The following EYS variants were observed in gnomAD, a reference collection of about 807,000 sequenced individuals.
The protein encoded by EYS is protein eyes shut homolog.
Under a neutral mutation model 282.1 loss-of-function variants are expected in EYS, and 250 were observed. The observed-to-expected ratio is 0.89, with a 90% CI of 0.80 to 0.98. The LOEUF (loss-of-function observed/expected upper bound fraction) is 0.98, where lower values mean the gene tolerates loss of function less well. Among genes scored for constraint, EYS ranks in the 50% least tolerant of loss-of-function variants. EYS has a pLI of 0.00. For missense variants in EYS, 4,016 were observed against 3,709.0 expected (o/e 1.08, Z -2.15); for synonymous variants, 1,355 against 1,282.9 (o/e 1.06, Z -1.20).
intron 5 of EYS, among the ~76,000 whole-genome samples, chr6:65,422,025 T>A (rs994244292): frequency 3.3e-5 from 5 of 151,898 alleles, no homozygotes; most frequent in Non-Finnish European, 7.4e-5. Context: ...CACATGGTGT[T>A]AGAAAAACTG....
intron 1 of EYS, among the ~76,000 whole-genome samples, chr6:65,683,792 A>G (rs2149839627): frequency 6.6e-6 from 1 of 152,148 alleles, no homozygotes; most frequent in Non-Finnish European, 1.5e-5. Context: ...GGTCTAGGAC[A>G]TATACTCAGC....
intron 26 of EYS, among the ~76,000 whole-genome samples, chr6:64,468,580 G>T (rs889631439): frequency 7.2e-5 from 11 of 152,130 alleles, no homozygotes; most frequent in African/African-American, 2.2e-4. Flanking sequence ...CAGGAACTTG[G>T]TGTACAGATT....
intron 2 of EYS, among the ~76,000 whole-genome samples, chr6:65,531,076 C>A (rs1407051823): frequency 6.6e-6 from 1 of 152,008 alleles, no homozygotes; most frequent in Non-Finnish European, 1.5e-5. Flanking sequence ...TTTTACGGCA[C>A]AATGGAAAGT....
In EYS at chr6:64,666,153, C is replaced by A. The variant is rs1769223076; in HGVS notation, c.3444-39908G>T. On this transcript the variant is annotated intron_variant, in intron 22 of 42. Transcript: ENST00000503581. Reference sequence around the variant, plus strand: ...TAACTATCGAGGACTGAGCTTAATACCTGGCTGATGAAATAATATGTACAG... The same window carrying A: ...TAACTATCGAGGACTGAGCTTAATAACTGGCTGATGAAATAATATGTACAG... Among the ~76,000 whole-genome samples the A allele has an allele frequency of 2.0e-5, 3 of 152,088 alleles. No individual in the cohort carries two copies. In the South Asian group the frequency reaches 6.2e-4, roughly 32 times the overall value.
At chr6:64,896,588 C>G (rs991534646) in intron 18 of EYS, among the ~76,000 whole-genome samples, 1 of 150,624 alleles carries the variant, frequency 6.6e-6, no homozygotes, top group Admixed American at 6.6e-5. Context: ...ACCTGAAACA[C>G]CAGCAAGAGA....
intron 12 of EYS, among the ~76,000 whole-genome samples, chr6:65,255,868 G>A (rs1582069156): frequency 6.6e-6 from 1 of 152,152 alleles, no homozygotes; most frequent in East Asian, 1.9e-4. Context: ...ATGAGGATGT[G>A]AGGAAAGGGT....
chr6:64,654,795 C>A lies in EYS; in HGVS notation c.3444-28550G>T, dbSNP rs1272041185. On this transcript the variant is annotated intron_variant, in intron 22 of 42. Coordinates refer to ENST00000503581, the MANE Select transcript of EYS (RefSeq NM_001142800.2). Reference sequence around the variant, plus strand: ...CTCCAAATGGCCACTTCTGTCACTGCAAATTTATATAGGGACAGCTATACA... The same window carrying A: ...CTCCAAATGGCCACTTCTGTCACTGAAAATTTATATAGGGACAGCTATACA... Among the ~76,000 whole-genome samples, 6 of 152,112 alleles carry A rather than the reference C, an allele frequency of 3.9e-5. No individual in the cohort carries two copies. In the East Asian group the frequency reaches 1.2e-3, roughly 29 times the overall value.
intron 10 of EYS, among the ~76,000 whole-genome samples, chr6:65,343,227 G>T (rs1382852302): frequency 6.6e-6 from 1 of 151,158 alleles, no homozygotes; most frequent in African/African-American, 2.4e-5. Context: ...TTTTTACAAG[G>T]TTGACTCAAT....
chr6:64,065,151 AC>A (rs940364037), intron 33 of EYS, among the ~76,000 whole-genome samples: 1 of 152,086 alleles, frequency 6.6e-6, no homozygotes, highest in African/African-American at 2.4e-5. Flanking sequence ...TGAGTAAGAA[AC>A]CATCTCTGCC....
At chr6:65,640,536 C>T (rs1767241826) in intron 1 of EYS, among the ~76,000 whole-genome samples, 1 of 151,952 alleles carries the variant, frequency 6.6e-6, no homozygotes, top group South Asian at 2.1e-4. Context: ...AAGTATTTTA[C>T]TTCATCTTCA....
In EYS at chr6:65,134,132, T is replaced by A. The variant is rs140067250; in HGVS notation, c.2024-76405A>T. ...AAACAACAGGTGTTGGCAAAAATTG[T>A]GGAGAAAAGGAAATACTTATACAAT... On this transcript the variant is annotated intron_variant, in intron 12 of 42. Coordinates refer to ENST00000503581, the MANE Select transcript of EYS (RefSeq NM_001142800.2). 1.4e-3 allele frequency among the ~76,000 whole-genome samples: 218 copies of A among 152,124 alleles called. 3 individuals carry two copies. The highest frequency in any genetic ancestry group is 4.7e-3 in the African/African-American group (194 of 41,546).
At chr6:65,159,534 A>T (rs1342034462) in intron 12 of EYS, among the ~76,000 whole-genome samples, 3 of 150,864 alleles carry the variant, frequency 2.0e-5, no homozygotes, top group Non-Finnish European at 4.5e-5. Flanking sequence ...TTTTGAGCAC[A>T]CGTTCAAAAT....
chr6:64,446,990 G>T (rs888522507), intron 26 of EYS, among the ~76,000 whole-genome samples: 39 of 145,304 alleles, frequency 2.7e-4, no homozygotes, highest in African/African-American at 9.4e-4. Context: ...TGTGTGTGGG[G>T]GGGGGGTGCT....
chr6:64,565,770 C>G (rs533285824), intron 26 of EYS, among the ~76,000 whole-genome samples: 3 of 151,758 alleles, frequency 2.0e-5, no homozygotes, highest in Non-Finnish European at 4.4e-5. Flanking sequence ...GTTGTTACCA[C>G]AAATATGCAT....
intron 11 of EYS, chr6:65,331,886 T>C: frequency 3.9e-6 from 1 of 255,290 alleles, no homozygotes; most frequent in Non-Finnish European, 6.1e-6. Flanking sequence ...TAACAAATTT[T>C]ATATATCCAT....
chr6:64,097,455 G>A (rs111423826), intron 31 of EYS, among the ~76,000 whole-genome samples: 1,983 of 152,250 alleles, frequency 0.013, 41 homozygotes, highest in African/African-American at 0.045. Context: ...ATCAGTTGCG[G>A]AGGCCCCTCC....
At chr6:64,810,885 T>C (rs1336132214) in intron 22 of EYS, among the ~76,000 whole-genome samples, 1 of 152,024 alleles carries the variant, frequency 6.6e-6, no homozygotes, top group Non-Finnish European at 1.5e-5. Context: ...GCAAAAATAG[T>C]ATAAAGATAA....
intron 41 of EYS, among the ~76,000 whole-genome samples, chr6:63,727,381 G>A (rs915212828): frequency 2.1e-4 from 32 of 151,804 alleles, no homozygotes; most frequent in Admixed American, 1.6e-3. Context: ...GTATGCTAAC[G>A]GCTCCTTTTA....
chr6:65,039,033 A>G (rs548157947), intron 13 of EYS, among the ~76,000 whole-genome samples: 4 of 151,608 alleles, frequency 2.6e-5, no homozygotes, highest in South Asian at 2.1e-4. Flanking sequence ...TGGTTAGTCT[A>G]AATTATCATT....
Sources: allele counts gnomAD v4.1 joint callset (sites outside exome capture counted in the v4.1 genomes callset), GRCh38; gene constraint gnomAD v4.1.1; transcripts MANE v1.5; gene names NCBI Gene and HGNC (gene_info 2026-07-23, HGNC 2026-07-21).